Variants in LDB2 observed in about 807,000 individuals in gnomAD.
LDB2 encodes LIM domain-binding protein 2.
Under a neutral mutation model 44.3 loss-of-function variants are expected in LDB2, and 12 were observed. The observed-to-expected ratio is 0.27, with a 90% CI of 0.17 to 0.44. The LOEUF (loss-of-function observed/expected upper bound fraction) is 0.44. Among genes scored for constraint, LDB2 ranks in the 20% least tolerant of loss-of-function variants. The pLI, the probability that LDB2 is intolerant of heterozygous loss-of-function variation, is 1.00. For synonymous variants in LDB2, 164 were observed against 174.8 expected, an observed-to-expected ratio of 0.94 and a Z score of 0.49; for missense variants, 344 against 473.5, an observed-to-expected ratio of 0.73 and a Z score of 2.54.
intron 2 of LDB2, among the ~76,000 whole-genome samples, chr4:16,741,754 G>A (rs1232476103): frequency 2.0e-5 from 3 of 152,186 alleles, no homozygotes; most frequent in Non-Finnish European, 4.4e-5. Flanking sequence ...GCCCCCTGGA[G>A]AGATTGGTTA....
intron 5 of LDB2, among the ~76,000 whole-genome samples, chr4:16,579,059 A>C (rs961760402): frequency 1.3e-5 from 2 of 152,198 alleles, no homozygotes; most frequent in Non-Finnish European, 2.9e-5. Context: ...AGGGTGGCGG[A>C]AAAGGAGGAT....
At chr4:16,739,134 A>G (rs1360884928) in intron 2 of LDB2, among the ~76,000 whole-genome samples, 1 of 152,104 alleles carries the variant, frequency 6.6e-6, no homozygotes, top group Admixed American at 6.6e-5. Flanking sequence ...CCCCCAAATC[A>G]TCTTCCTTTA....
chr4:16,553,303 C>A (rs1218890188), intron 5 of LDB2, among the ~76,000 whole-genome samples: 2 of 152,166 alleles, frequency 1.3e-5, no homozygotes, highest in East Asian at 3.9e-4. Flanking sequence ...CAGGTACATG[C>A]CACCATGCCC....
At chr4:16,767,300 A>G (rs1769559635) in intron 1 of LDB2, among the ~76,000 whole-genome samples, 1 of 152,218 alleles carries the variant, frequency 6.6e-6, no homozygotes, top group Admixed American at 6.5e-5. Context: ...AACTTTGCCG[A>G]TCATTCTTTT....
intron 5 of LDB2, among the ~76,000 whole-genome samples, chr4:16,546,968 G>T (rs1560432959): frequency 1.3e-5 from 2 of 152,122 alleles, no homozygotes; most frequent in Non-Finnish European, 2.9e-5. Flanking sequence ...CCATTGTGGT[G>T]GGTTGAATAA....
intron 2 of LDB2, among the ~76,000 whole-genome samples, chr4:16,737,661 T>C (rs1762169427): frequency 6.6e-6 from 1 of 152,208 alleles, no homozygotes; most frequent in Non-Finnish European, 1.5e-5. Flanking sequence ...GGTTGTTATA[T>C]ATTGAGCAAA....
chr4:16,779,531 C>T (rs1038481236), intron 1 of LDB2, among the ~76,000 whole-genome samples: 4 of 152,138 alleles, frequency 2.6e-5, no homozygotes, highest in Non-Finnish European at 2.9e-5. Flanking sequence ...ACAACTCTGC[C>T]TCTTGGGAAG....
chr4:16,882,081 T>C (rs1254710434), intron 1 of LDB2, among the ~76,000 whole-genome samples: 1 of 152,212 alleles, frequency 6.6e-6, no homozygotes, highest in East Asian at 1.9e-4. Context: ...AGTACCGCAA[T>C]CCTGGCTGGG....
chr4:16,704,622 A>G (rs1212049915), intron 2 of LDB2, among the ~76,000 whole-genome samples: 2 of 152,212 alleles, frequency 1.3e-5, no homozygotes, highest in African/African-American at 2.4e-5. Context: ...GCAAGAAAAA[A>G]TTTACAAATG....
intron 1 of LDB2, among the ~76,000 whole-genome samples, chr4:16,885,868 C>A (rs2110473531): frequency 6.6e-6 from 1 of 152,242 alleles, no homozygotes; most frequent in African/African-American, 2.4e-5. Flanking sequence ...TTATAATAGT[C>A]ATCATAGTTA....
At chr4:16,839,523 A>G (rs889954982) in intron 1 of LDB2, among the ~76,000 whole-genome samples, 4 of 152,210 alleles carry the variant, frequency 2.6e-5, no homozygotes, top group African/African-American at 9.6e-5. Flanking sequence ...TTTGGAGGAT[A>G]CAAACCCAGA....
At chr4:16,836,643 C>A (rs1024011947) in intron 1 of LDB2, among the ~76,000 whole-genome samples, 1 of 152,234 alleles carries the variant, frequency 6.6e-6, no homozygotes, top group Non-Finnish European at 1.5e-5. Context: ...CTAAGATACC[C>A]TCCCTTTTAC....
At chr4:16,793,696 C>CTAAGTT (rs1776204390) in intron 1 of LDB2, among the ~76,000 whole-genome samples, 1 of 152,156 alleles carries the variant, frequency 6.6e-6, no homozygotes. Flanking sequence ...TCTTTGTAAC[C>CTAAGTT]TCTCCCTGCA....
At chr4:16,532,835 T>A (rs747195689) in intron 5 of LDB2, among the ~76,000 whole-genome samples, 5 of 152,186 alleles carry the variant, frequency 3.3e-5, no homozygotes, top group African/African-American at 4.8e-5. Flanking sequence ...TTGTGGGACT[T>A]CTTCGGTCAT....
At position 16,644,970 on chromosome 4, in the gene LDB2, T is replaced by C. The variant is rs145917847; in HGVS notation, c.236-49095A>G. On this transcript the variant is annotated intron_variant, in intron 2 of 7. Transcript: ENST00000304523. ...TTTGCTCTTAGTGGCCCAACTGATA[T>C]ATAGACATAAGCATAAACACTTAAG... Among the ~76,000 whole-genome samples the C allele has an allele frequency of 4.6e-3, 703 of 152,304 alleles. 7 individuals are homozygous for C. Among genetic ancestry groups the C allele is most frequent in the African/African-American group, 0.016 (661 of 41,566 alleles).
intron 1 of LDB2, among the ~76,000 whole-genome samples, chr4:16,880,209 T>G (rs902434502): frequency 6.6e-6 from 1 of 152,186 alleles, no homozygotes; most frequent in Non-Finnish European, 1.5e-5. Flanking sequence ...AAATTCTTCA[T>G]GGGTCCAGTC....
intron 2 of LDB2, among the ~76,000 whole-genome samples, chr4:16,690,459 C>CAGGA (rs768921074): frequency 0.034 from 1,701 of 50,232 alleles, 231 homozygotes; most frequent in East Asian, 0.3. Flanking sequence ...GAAGACCCTG[C>CAGGA]AGGAAGGAAG....
intron 1 of LDB2, among the ~76,000 whole-genome samples, chr4:16,862,700 C>G (rs1446457470): frequency 2.1e-5 from 3 of 141,454 alleles, no homozygotes; most frequent in African/African-American, 5.2e-5. Context: ...TGAATTCTCT[C>G]TAAATAGCTC....
chr4:16,845,004 C>A (rs961397420), intron 1 of LDB2, among the ~76,000 whole-genome samples: 4 of 152,200 alleles, frequency 2.6e-5, no homozygotes, highest in African/African-American at 9.7e-5. Context: ...GAATCTACTG[C>A]CCACTGGGGG....
Sources: gnomAD v4.1 joint callset for allele counts (sites outside exome capture counted in the v4.1 genomes callset) on GRCh38, gnomAD v4.1.1 for gene constraint, MANE v1.5 for transcripts, NCBI Gene and HGNC (gene_info 2026-07-23, HGNC 2026-07-21) for gene names.